TTLL6: variants seen among roughly 807,000 people sequenced by gnomAD.
The protein encoded by TTLL6 is tubulin polyglutamylase TTLL6.
A neutral mutation model predicts 96.4 loss-of-function variants in TTLL6; 75 were observed. That is an observed-to-expected ratio of 0.78 (90% CI 0.65 to 0.94). The LOEUF (loss-of-function observed/expected upper bound fraction) is 0.94, where lower values mean the gene tolerates loss of function less well. Among genes scored for constraint, TTLL6 ranks in the 40% least tolerant of loss-of-function variants. The pLI is 0.00. For synonymous variants in TTLL6, 411 were observed against 419.4 expected, an observed-to-expected ratio of 0.98 and a Z score of 0.24; for missense variants, 1,030 against 1,093.0, an observed-to-expected ratio of 0.94 and a Z score of 0.81.
intron 8 of TTLL6, among the ~76,000 whole-genome samples, chr17:48,794,796 T>C (rs1342549537): frequency 6.6e-6 from 1 of 152,166 alleles, no homozygotes; most frequent in Non-Finnish European, 1.5e-5. Flanking sequence ...GAAGCCAAAC[T>C]AATTGCCTGT....
At chr17:48,796,983 A>T in intron 7 of TTLL6, 78 bp downstream of exon 7, 2 of 1,417,174 alleles carry the variant, frequency 1.4e-6, no homozygotes, top group Non-Finnish European at 1.9e-6. Flanking sequence ...TGTCTTGAGG[A>T]TGTGGATTTA....
chr17:48,784,442 GAAGA>G (rs2039049456), intron 13 of TTLL6, among the ~76,000 whole-genome samples: 1 of 152,032 alleles, frequency 6.6e-6, no homozygotes, highest in Non-Finnish European at 1.5e-5. Flanking sequence ...GAAGCACAGA[GAAGA>G]AAGCCACATG....
At chr17:48,809,928 G>A (rs1382247525) in intron 1 of TTLL6, among the ~76,000 whole-genome samples, 2 of 151,530 alleles carry the variant, frequency 1.3e-5, no homozygotes, top group East Asian at 1.9e-4. Context: ...AACTGAGGTC[G>A]GGAGTTCGAG....
At position 48,787,954 on chromosome 17, in the gene TTLL6, A is replaced by G. The variant is rs750363143; in HGVS notation, c.1446T>C (p.Thr482=). ...CACAGTTTTCCTTCTCATACGTTTC[A>G]GTTTTCTTTAACTGCACGGCCCGGA... is the stretch of plus-strand genomic sequence containing the variant. The part of the protein sequence containing the change: ...KGFRAVQLKK[T]ETYEKENCGG... Residue 482 remains threonine, a synonymous_variant, in exon 11 of 16, where the codon ACT becomes ACC. Transcript: ENST00000393382. 1.9e-6 allele frequency: 3 copies of G among 1,614,126 alleles called. No individual in the cohort carries two copies. Among genetic ancestry groups the G allele is most frequent in the Admixed American group, 1.7e-5 (1 of 60,004 alleles).
At chr17:48,814,573 T>G (rs1246230262) in intron 1 of TTLL6, among the ~76,000 whole-genome samples, 1 of 152,084 alleles carries the variant, frequency 6.6e-6, no homozygotes, top group Non-Finnish European at 1.5e-5. Context: ...AGATCCTGGT[T>G]AGACAGCACG....
chr17:48,797,239 G>A, intron 6 of TTLL6, 35 bp from the exon 7 acceptor site: 1 of 1,526,224 alleles, frequency 6.6e-7, no homozygotes, highest in Non-Finnish European at 8.8e-7. Flanking sequence ...ACATGCATTA[G>A]AGGAGAAATT....
At chr17:48,771,934 G>A (rs988298399) in intron 13 of TTLL6, among the ~76,000 whole-genome samples, 1 of 151,920 alleles carries the variant, frequency 6.6e-6, no homozygotes, top group African/African-American at 2.4e-5. Flanking sequence ...AATTAGCCGG[G>A]CATGGTGACA....
At chr17:48,782,871 G>A (rs2039015603) in intron 13 of TTLL6, among the ~76,000 whole-genome samples, 1 of 151,926 alleles carries the variant, frequency 6.6e-6, no homozygotes, top group Admixed American at 6.6e-5. Flanking sequence ...CCACCATCAT[G>A]CCCAGCTAAT....
Position 48,804,766 on chromosome 17 carries a change from C to T in TTLL6, c.323+6G>A. The T allele has an allele frequency of 6.4e-7, 1 of 1,551,928 alleles. No individual in the cohort carries two copies. Among genetic ancestry groups the T allele is most frequent in the Non-Finnish European group, 8.7e-7 (1 of 1,146,972 alleles). On this transcript the variant is annotated splice_donor_region_variant and intron_variant, in intron 2 of 15. Coordinates refer to ENST00000393382, the MANE Select transcript of TTLL6 (RefSeq NM_001130918.3). Reference sequence around the variant, plus strand: ...GGCTCCCCATTCCCCAGCTTTCAATCCTAACCTCTTTTTCTTCCTCTTCTT... The same window carrying T: ...GGCTCCCCATTCCCCAGCTTTCAATTCTAACCTCTTTTTCTTCCTCTTCTT...
chr17:48,791,546 T>C lies in TTLL6; in HGVS notation c.1056A>G (p.Ile352Met), dbSNP rs2039224766. 2 of 1,614,076 alleles carry C rather than the reference T, an allele frequency of 1.2e-6. No individual in the cohort carries two copies. Among genetic ancestry groups the C allele is most frequent in the South Asian group, 1.1e-5 (1 of 91,088 alleles). ...TGATGACGTCCTCAATATCCCTCCA[T>C]ATCTGCTCCACGTTGTAGCTGTGGT... ...LEDHSYNVEQIWRDIEDVIIK... is the reference protein window; with the variant it reads ...LEDHSYNVEQMWRDIEDVIIK... Residue 352 changes from isoleucine to methionine, a missense_variant, in exon 9 of 16, where the codon ATA becomes ATG. By Grantham distance (10) the Ile-to-Met change is conservative (BLOSUM62 1). Transcript: ENST00000393382.
chr17:48,792,832 G>C (rs1487099625), intron 8 of TTLL6, among the ~76,000 whole-genome samples: 1 of 152,150 alleles, frequency 6.6e-6, no homozygotes, highest in Non-Finnish European at 1.5e-5. Flanking sequence ...TTTTTTTCAA[G>C]TGGAGAAAAT....
Position 48,805,060 on chromosome 17 carries a change from T to C in TTLL6, c.104-69A>G. The stretch of plus-strand genomic sequence containing the variant: ...GCAGGGGGACCCCCTCCCTCGCTCA[T>C]GTGGGTAGAGACCCAGGGTTCTAAT... On this transcript the variant is annotated intron_variant, in intron 1 of 15. Transcript: ENST00000393382. 4 of 1,261,154 alleles carry C rather than the reference T, an allele frequency of 3.2e-6. 1 individual carries two copies. The highest frequency in any genetic ancestry group is 4.1e-5 in the Admixed American group (2 of 49,238). 78.1% of individuals were successfully genotyped at this position (1,261,154 alleles called of 1,614,324 possible).
chr17:48,790,458 G>A (rs2143365029), intron 9 of TTLL6, among the ~76,000 whole-genome samples: 1 of 152,316 alleles, frequency 6.6e-6, no homozygotes, highest in Non-Finnish European at 1.5e-5. Flanking sequence ...GACAGGCTTG[G>A]ACATAGGAGG....
intron 15 of TTLL6, among the ~76,000 whole-genome samples, chr17:48,764,048 A>C (rs543328445): frequency 2.6e-4 from 40 of 152,184 alleles, no homozygotes; most frequent in African/African-American, 9.4e-4. Flanking sequence ...AAGTGGGAGA[A>C]TCTCCTGAGC....
chr17:48,785,429 T>C (rs768081682), intron 12 of TTLL6, among the ~76,000 whole-genome samples: 4 of 150,682 alleles, frequency 2.7e-5, no homozygotes, highest in Non-Finnish European at 4.4e-5. Flanking sequence ...TTAAAAACTG[T>C]GCATTGTGTA....
intron 15 of TTLL6, 50 bp downstream of exon 15, chr17:48,768,939 G>A: frequency 1.3e-6 from 2 of 1,583,746 alleles, no homozygotes; most frequent in African/African-American, 1.3e-5. Flanking sequence ...GAAAAACACA[G>A]AGCACCTGCC....
chr17:48,772,302 T>G (rs778371019), intron 13 of TTLL6, among the ~76,000 whole-genome samples: 3 of 151,980 alleles, frequency 2.0e-5, no homozygotes, highest in African/African-American at 7.3e-5. Context: ...CTGGGCAACA[T>G]AGCAAGACCA....
At chr17:48,767,718 G>A (rs924384108) in intron 15 of TTLL6, among the ~76,000 whole-genome samples, 27 of 152,178 alleles carry the variant, frequency 1.8e-4, no homozygotes, top group Non-Finnish European at 3.8e-4. Context: ...GGAGTTCTCC[G>A]AAGTTTTTAC....
intron 3 of TTLL6, 38 bp from the exon 4 acceptor site, chr17:48,801,681 G>T: frequency 6.6e-7 from 1 of 1,512,274 alleles, no homozygotes; most frequent in South Asian, 1.2e-5. Flanking sequence ...CCAGGAAGTG[G>T]GGGAGGAGTA....
Sources: gnomAD v4.1 joint callset for allele counts (sites outside exome capture counted in the v4.1 genomes callset) on GRCh38, gnomAD v4.1.1 for gene constraint, MANE v1.5 for transcripts, NCBI Gene and HGNC (gene_info 2026-07-23, HGNC 2026-07-21) for gene names.